ITGAE: variants seen among roughly 807,000 people sequenced by gnomAD.
The protein encoded by ITGAE is integrin alpha-E.
Under a neutral mutation model 136.5 loss-of-function variants are expected in ITGAE, and 99 were observed. The observed-to-expected ratio is 0.73, with a 90% confidence interval of 0.62 to 0.86. ITGAE has a LOEUF of 0.86. Ranked by LOEUF, ITGAE falls within the 40% of genes least tolerant of loss-of-function variation. ITGAE has a pLI of 0.00. For missense variants in ITGAE, 1,447 were observed against 1,515.3 expected (o/e 0.95, Z 0.75); for synonymous variants, 613 against 591.8 (o/e 1.04, Z -0.52).
At chr17:3,745,977 C>G in intron 17 of ITGAE, 50 bp from the exon 18 acceptor site, 3 of 1,559,188 alleles carry the variant, frequency 1.9e-6, no homozygotes, top group Non-Finnish European at 2.6e-6. Context: ...GAGCCAGCCG[C>G]AGACAGAAGG....
rs530702065 is a variant in ITGAE, at chr17:3,753,372, G to T, written c.1586C>A (p.Thr529Lys). ...TGGAGCAGCCACCAGCAAGAAGTCC[G>T]TGCTTCCATCCATGTCAATGTCCAC... ...CPVDIDMDGS[T>K]DFLLVAAPFY... Residue 529 changes from threonine (T) to lysine (K), a missense_variant, in exon 14 of 31, where the codon ACG (threonine) becomes AAG (lysine). Transcript: ENST00000263087. 1.9e-5 allele frequency: 30 copies of T among 1,614,008 alleles called. No individual in the cohort carries two copies. The highest frequency in any genetic ancestry group is 3.3e-5 in the Admixed American group (2 of 59,988).
At chr17:3,736,673 A>AC (rs1393459516) in intron 20 of ITGAE, among the ~76,000 whole-genome samples, 1 of 152,192 alleles carries the variant, frequency 6.6e-6, no homozygotes, top group Non-Finnish European at 1.5e-5. Flanking sequence ...TATCACAGGG[A>AC]CCCAGAGTGC....
At chr17:3,719,107 G>A (rs1360916178) in intron 29 of ITGAE, among the ~76,000 whole-genome samples, 3 of 140,610 alleles carry the variant, frequency 2.1e-5, no homozygotes, top group African/African-American at 9.8e-5. Flanking sequence ...ATGGTGGTGG[G>A]CACCTGTAAT....
At chr17:3,775,752 G>A (rs2052525093) in intron 2 of ITGAE, among the ~76,000 whole-genome samples, 1 of 151,996 alleles carries the variant, frequency 6.6e-6, no homozygotes, top group South Asian at 2.1e-4. Flanking sequence ...TTACAGGTGT[G>A]AGCCACTGCG....
At chr17:3,789,256 A>G (rs898558136) in intron 1 of ITGAE, among the ~76,000 whole-genome samples, 1 of 152,070 alleles carries the variant, frequency 6.6e-6, no homozygotes, top group African/African-American at 2.4e-5. Context: ...AAAAAAAAGA[A>G]ACGAAAAAGA....
At chr17:3,790,982 T>G (rs539978815) in intron 1 of ITGAE, among the ~76,000 whole-genome samples, 4 of 151,812 alleles carry the variant, frequency 2.6e-5, no homozygotes, top group East Asian at 3.9e-4. Context: ...GTGAAACCCC[T>G]TCTCTACTAA....
chr17:3,786,873 A>G (rs532176269), intron 1 of ITGAE, among the ~76,000 whole-genome samples: 66 of 137,144 alleles, frequency 4.8e-4, no homozygotes, highest in Non-Finnish European at 7.9e-4. Flanking sequence ...CTGGTGACAG[A>G]GCGAGACTCC....
chr17:3,753,588 G>A (rs552186896), intron 13 of ITGAE, among the ~76,000 whole-genome samples, 158 bp from the exon 14 acceptor site: 1 of 152,308 alleles, frequency 6.6e-6, no homozygotes, highest in African/African-American at 2.4e-5. Context: ...AGCAGCCCAG[G>A]CCCCACAGCG....
chr17:3,734,917 A>G lies in ITGAE; in HGVS notation c.2555T>C (p.Leu852Pro), dbSNP rs1432990289. The stretch of plus-strand genomic sequence containing the variant: ...GTTAGTTAGGTTAATGTTCAGGGTC[A>G]GCTCCTTTGTGAGACCCACCACCAA... ...QELVVGLTKE[L>P]TLNINLTNSG... Residue 852 changes from leucine to proline, a missense_variant, in exon 21 of 31, where the codon CTG becomes CCG. By Grantham distance (98) the Leu-to-Pro change is moderately conservative (BLOSUM62 -3). Transcript: ENST00000263087. The G allele has an allele frequency of 2.5e-6, 4 of 1,614,094 alleles. No individual in the cohort carries two copies. The highest frequency in any genetic ancestry group is 2.2e-5 in the East Asian group (1 of 44,900).
At position 3,738,676 on chromosome 17, in the gene ITGAE, A is replaced by T. The variant is rs114617665; in HGVS notation, c.2522+1129T>A. ...CTGAGGAACAAAATGTTTCATTGTG[A>T]TTAATTTTAACTCATGTACATGTAA... On this transcript the variant is annotated intron_variant, in intron 20 of 30. Transcript: ENST00000263087. 5.8e-3 allele frequency among the ~76,000 whole-genome samples: 880 copies of T among 152,336 alleles called. 11 individuals are homozygous for T. Among genetic ancestry groups the T allele is most frequent in the African/African-American group, 0.02 (837 of 41,572 alleles).
At chr17:3,797,157 A>ATTTTTTT in intron 1 of ITGAE, among the ~76,000 whole-genome samples, 1 of 94,436 alleles carries the variant, frequency 1.1e-5, no homozygotes, top group Non-Finnish European at 2.1e-5. Flanking sequence ...ATATATATAT[A>ATTTTTTT]TTTTTTTTTT....
Position 3,772,660 on chromosome 17 carries a change from C to T in ITGAE, c.155+4880G>A, listed in dbSNP as rs559936032. Reference sequence around the variant, plus strand: ...TGTATTTTTAGTAGGGACAAGGCTTCAGCATATTGGCCAGGCTGATCTCAA... The same window carrying T: ...TGTATTTTTAGTAGGGACAAGGCTTTAGCATATTGGCCAGGCTGATCTCAA... On this transcript the variant is annotated intron_variant, in intron 2 of 30. Transcript: ENST00000263087. Among the ~76,000 whole-genome samples, 3 of 152,210 alleles carry T rather than the reference C, an allele frequency of 2.0e-5. No homozygotes were observed. In the South Asian group the frequency reaches 6.2e-4, roughly 32 times the overall value.
intron 22 of ITGAE, 119 bp from the exon 23 acceptor site, chr17:3,731,302 A>G (rs2051336566): frequency 1.5e-6 from 1 of 652,856 alleles, no homozygotes. Context: ...CATTCCTCAC[A>G]TTTTTCTAAC....
intron 8 of ITGAE, among the ~76,000 whole-genome samples, chr17:3,758,939 C>T (rs2052094470): frequency 6.6e-6 from 1 of 151,224 alleles, no homozygotes; most frequent in Non-Finnish European, 1.5e-5. Context: ...TCCTGGCTAA[C>T]ATGGTGAAAC....
At chr17:3,720,576 T>C in intron 28 of ITGAE, 174 bp from the exon 29 acceptor site, 3 of 451,224 alleles carry the variant, frequency 6.6e-6, no homozygotes, top group Non-Finnish European at 1.2e-5. Flanking sequence ...CAGTTATTCT[T>C]CAACTTCCTT....
At chr17:3,756,224 CTTTT>C (rs398041526) in intron 10 of ITGAE, among the ~76,000 whole-genome samples, 4,440 of 94,852 alleles carry the variant, frequency 0.047, 753 homozygotes, top group East Asian at 0.11. Context: ...TATTGTTGGC[CTTTT>C]TTTTTTTTTT....
At position 3,799,398 on chromosome 17, in the gene ITGAE, G is replaced by A. The variant is rs889543483; in HGVS notation, c.34+1713C>T. Among the ~76,000 whole-genome samples the A allele has an allele frequency of 1.3e-5, 2 of 152,140 alleles. No individual in the cohort carries two copies. Among genetic ancestry groups the A allele is most frequent in the Non-Finnish European group, 2.9e-5 (2 of 68,030 alleles). Reference sequence around the variant, plus strand: ...ATCGCTCTCTGCTGCCCATCAGCTTGGGAAGGGCCTAGGCCTCAAAAGAGG... The same window carrying A: ...ATCGCTCTCTGCTGCCCATCAGCTTAGGAAGGGCCTAGGCCTCAAAAGAGG... On this transcript the variant is annotated intron_variant, in intron 1 of 30. Coordinates refer to ENST00000263087, the MANE Select transcript of ITGAE (RefSeq NM_002208.5). This position sits in a 1 kb window ranked among gnomAD's most constrained non-coding sequence, Gnocchi z 4.1.
chr17:3,755,017 C>T (rs1157545355), intron 12 of ITGAE, 100 bp downstream of exon 12: 31 of 1,302,292 alleles, frequency 2.4e-5, no homozygotes, highest in Non-Finnish European at 3.0e-5. Context: ...TAGGCCCCGC[C>T]CTCGCCCACG....
chr17:3,764,021 T>C, intron 2 of ITGAE, 61 bp from the exon 3 acceptor site: 1 of 1,207,508 alleles, frequency 8.3e-7, no homozygotes, highest in Non-Finnish European at 1.2e-6. Context: ...TCTCCCTGCC[T>C]GCCCAGCACC....
Sources: gnomAD v4.1 joint callset for allele counts (sites outside exome capture counted in the v4.1 genomes callset) on GRCh38, gnomAD v4.1.1 for gene constraint, Gnocchi (gnomAD v3.1) non-coding constraint, MANE v1.5 for transcripts, NCBI Gene and HGNC (gene_info 2026-07-23, HGNC 2026-07-21) for gene names.